SH3BP5: variants seen among roughly 807,000 people sequenced by gnomAD.
SH3BP5 encodes the protein SH3 domain-binding protein 5.
In SH3BP5, 22 loss-of-function variants were observed where a neutral mutation model predicts 43.3. That is an observed-to-expected ratio of 0.51 (90% confidence interval 0.36 to 0.73). The LOEUF (loss-of-function observed/expected upper bound fraction) is 0.73. Ranked by LOEUF, SH3BP5 falls within the 30% of genes least tolerant of loss-of-function variation. The pLI is 0.00. For missense variants in SH3BP5, 529 were observed against 586.9 expected, an observed-to-expected ratio of 0.90 and a Z score of 1.02; for synonymous variants, 255 against 225.8, an observed-to-expected ratio of 1.13 and a Z score of -1.16.
chr3:15,309,666 T>G (rs1697999403), intron 2 of SH3BP5, among the ~76,000 whole-genome samples: 1 of 152,222 alleles, frequency 6.6e-6, no homozygotes, highest in African/African-American at 2.4e-5. Flanking sequence ...CAGGTGATTC[T>G]GATGGGCAGG....
chr3:15,268,114 C>T (rs1234559036), intron 4 of SH3BP5, among the ~76,000 whole-genome samples: 1 of 152,198 alleles, frequency 6.6e-6, no homozygotes, highest in Non-Finnish European at 1.5e-5. Context: ...GAGCATCACG[C>T]CCACTAGGGG....
chr3:15,259,840 T>C (rs768854552), intron 5 of SH3BP5, 37 bp from the exon 6 acceptor site: 4 of 1,598,554 alleles, frequency 2.5e-6, no homozygotes, highest in East Asian at 2.2e-5. Flanking sequence ...CAGAGTAATA[T>C]AATACAGTGA....
chr3:15,311,864 AG>A (rs1434236106), intron 2 of SH3BP5, among the ~76,000 whole-genome samples: 1 of 151,928 alleles, frequency 6.6e-6, no homozygotes, highest in Non-Finnish European at 1.5e-5. Context: ...TGTAGAGATG[AG>A]GTCTGTGTTG....
intron 5 of SH3BP5, among the ~76,000 whole-genome samples, chr3:15,261,796 C>T (rs192326618): frequency 6.6e-6 from 1 of 152,290 alleles, no homozygotes; most frequent in Non-Finnish European, 1.5e-5. Flanking sequence ...ATCCCTATTA[C>T]ACTGACAGAT....
Position 15,257,006 on chromosome 3 carries a change from C to G in SH3BP5, c.997G>C (p.Glu333Gln). The G allele has an allele frequency of 6.2e-7, 1 of 1,614,220 alleles. No homozygotes were observed. Among genetic ancestry groups the G allele is most frequent in the Non-Finnish European group, 8.5e-7 (1 of 1,180,034 alleles). Residue 333 changes from glutamate (E) to glutamine (Q), a missense_variant, in exon 8 of 9, where the codon GAG becomes CAG. By Grantham distance (29) the Glu-to-Gln change is conservative (BLOSUM62 2). Transcript: ENST00000383791. The part of the protein sequence containing the change: ...SFSSGPTSPS[E>Q]MPDQFPAVVR... ...ACCGCAGGGAACTGGTCAGGCATCT[C>G]AGACGGGCTTGTTGGTCCTGAACTA...
At chr3:15,274,080 C>A (rs960474535) in intron 3 of SH3BP5, among the ~76,000 whole-genome samples, 7 of 152,038 alleles carry the variant, frequency 4.6e-5, no homozygotes, top group African/African-American at 1.7e-4. Context: ...ACCGTCTCTA[C>A]TAAAAATACA....
intron 2 of SH3BP5, among the ~76,000 whole-genome samples, chr3:15,314,637 C>T (rs1698142577): frequency 6.6e-6 from 1 of 152,208 alleles, no homozygotes; most frequent in Admixed American, 6.5e-5. Flanking sequence ...AACACTCCTG[C>T]TCATGGCATA....
At chr3:15,313,117 C>T (rs148863054) in intron 2 of SH3BP5, among the ~76,000 whole-genome samples, 105 of 152,122 alleles carry the variant, frequency 6.9e-4, no homozygotes, top group African/African-American at 2.4e-3. Flanking sequence ...AAAAAATAGC[C>T]GGGCATGGTA....
rs146098768 is a variant in SH3BP5, at chr3:15,289,886, C to T, written c.330+14217G>A. Among the ~76,000 whole-genome samples the T allele has an allele frequency of 5.9e-5, 9 of 152,298 alleles. No individual in the cohort carries two copies. The East Asian group carries it at 1.5e-3, about 26-fold the overall frequency. On this transcript the variant is annotated intron_variant, in intron 3 of 8. Transcript: ENST00000383791. ...AGGTCAGTGTGAAAACAGACACCCC[C>T]CCTTCTCTACATAAGGAGAACCTTC...
chr3:15,256,183 C>A lies in SH3BP5; in HGVS notation c.1271G>T (p.Gly424Val). 6.2e-7 allele frequency: 1 copy of A among 1,614,186 alleles called. No homozygotes were observed. The highest frequency in any genetic ancestry group is 8.5e-7 in the Non-Finnish European group (1 of 1,180,024). ...CTTCATCCGGTTCTCCAAGGCCTGG[C>A]CCTCAGGGGAGGTGCTGCTTTGGCT... ...SKSQSSTSPE[G>V]QALENRMKQL... The change falls in exon 9 of 9, where the codon GGC becomes GTC. Residue 424 changes from glycine (G) to valine (V), a missense_variant. Physicochemically the swap from Gly to Val is moderately radical, Grantham distance 109. Transcript: ENST00000383791.
intron 2 of SH3BP5, among the ~76,000 whole-genome samples, chr3:15,308,289 C>T (rs1362855890): frequency 6.6e-6 from 1 of 152,170 alleles, no homozygotes; most frequent in Non-Finnish European, 1.5e-5. Flanking sequence ...ACTGTCAGTG[C>T]TTTAACCCCA....
At chr3:15,322,327 C>G (rs1698350933) in intron 2 of SH3BP5, among the ~76,000 whole-genome samples, 1 of 151,814 alleles carries the variant, frequency 6.6e-6, no homozygotes, top group Non-Finnish European at 1.5e-5. Context: ...TTTTTTTCCC[C>G]CACTAAGTAG....
chr3:15,270,446 C>T (rs1201402959), intron 3 of SH3BP5, among the ~76,000 whole-genome samples: 2 of 152,190 alleles, frequency 1.3e-5, no homozygotes, highest in African/African-American at 4.8e-5. Context: ...CAGTCTCCCA[C>T]TCAACTCACA....
At chr3:15,338,366 TA>T (rs1204195223) in intron 1 of SH3BP5, among the ~76,000 whole-genome samples, 1 of 152,182 alleles carries the variant, frequency 6.6e-6, no homozygotes, top group Non-Finnish European at 1.5e-5. Context: ...TAAATTAAAT[TA>T]AATGCTTCGT....
At chr3:15,290,790 G>A (rs1697391027) in intron 3 of SH3BP5, among the ~76,000 whole-genome samples, 1 of 152,122 alleles carries the variant, frequency 6.6e-6, no homozygotes, top group South Asian at 2.1e-4. Context: ...AAGCAAACAG[G>A]TGCTCCATCC....
chr3:15,272,043 C>T (rs1158379166), intron 3 of SH3BP5, among the ~76,000 whole-genome samples: 4 of 152,020 alleles, frequency 2.6e-5, no homozygotes, highest in South Asian at 2.1e-4. Context: ...CCCTGGGACT[C>T]GGGAAGAGGG....
At chr3:15,292,538 T>C (rs1265700791) in intron 3 of SH3BP5, among the ~76,000 whole-genome samples, 1 of 152,108 alleles carries the variant, frequency 6.6e-6, no homozygotes, top group Non-Finnish European at 1.5e-5. Flanking sequence ...ATGCAAATGG[T>C]TCATGGCATC....
intron 3 of SH3BP5, among the ~76,000 whole-genome samples, chr3:15,272,734 C>T (rs935331537): frequency 6.7e-6 from 1 of 149,242 alleles, no homozygotes; most frequent in African/African-American, 2.4e-5. Context: ...TTCGATGATA[C>T]CTCAGATCAA....
intron 3 of SH3BP5, among the ~76,000 whole-genome samples, chr3:15,280,769 C>T (rs192194748): frequency 2.6e-5 from 4 of 152,340 alleles, no homozygotes; most frequent in Admixed American, 2.6e-4. Flanking sequence ...ATCTTCCTCC[C>T]TGCACGTCCA....
Sources: allele counts gnomAD v4.1 joint callset (sites outside exome capture counted in the v4.1 genomes callset), GRCh38; gene constraint gnomAD v4.1.1; transcripts MANE v1.5; gene names NCBI Gene and HGNC (gene_info 2026-07-23, HGNC 2026-07-21).